The following SLU7 variants were observed in gnomAD, a reference collection of about 807,000 sequenced individuals.
SLU7 encodes the protein pre-mRNA-splicing factor SLU7.
In SLU7, 60 loss-of-function variants were observed where a neutral mutation model predicts 87.0. The ratio of observed to expected loss-of-function variants is 0.69; its 90% CI spans 0.56 to 0.86. The LOEUF (loss-of-function observed/expected upper bound fraction) is 0.86, where lower values mean the gene tolerates loss of function less well. Ranked by LOEUF, SLU7 falls within the 40% of genes least tolerant of loss-of-function variation. SLU7 has a pLI of 0.00. For missense variants in SLU7, 507 were observed against 686.6 expected, an observed-to-expected ratio of 0.74 and a Z score of 2.92; for synonymous variants, 197 against 222.0, an observed-to-expected ratio of 0.89 and a Z score of 1.00.
chr5:160,406,823 T>C (rs1765035561), intron 11 of SLU7, among the ~76,000 whole-genome samples, 194 bp from the exon 12 acceptor site: 1 of 152,242 alleles, frequency 6.6e-6, no homozygotes, highest in African/African-American at 2.4e-5. Context: ...GCTATTCATC[T>C]GTTGAGTACA....
chr5:160,405,178 T>C, intron 12 of SLU7, 43 bp from the exon 13 acceptor site: 6 of 1,369,034 alleles, frequency 4.4e-6, no homozygotes, highest in Non-Finnish European at 6.3e-6. Flanking sequence ...GAAGCTGAAA[T>C]TAGAAACTTC....
In SLU7 at chr5:160,407,639, G is replaced by A; in HGVS notation, c.986-24C>T. 2 of 1,606,632 alleles carry A rather than the reference G, an allele frequency of 1.2e-6. No individual in the cohort carries two copies. Among genetic ancestry groups the A allele is most frequent in the Non-Finnish European group, 1.7e-6 (2 of 1,177,514 alleles). Reference sequence around the variant, plus strand: ...CACTAGAGTAATTCAAAACATCTTAGTGAGTTGGCAGCTGCATTACTGTAT... The same window carrying A: ...CACTAGAGTAATTCAAAACATCTTAATGAGTTGGCAGCTGCATTACTGTAT... On this transcript the variant is annotated intron_variant, in intron 10 of 15. Coordinates refer to ENST00000297151, the MANE Select transcript of SLU7 (RefSeq NM_006425.5). The surrounding 1 kb of genome is among the most constrained non-coding windows in gnomAD (Gnocchi z 4.2).
chr5:160,405,157 A>G (rs1350709628), intron 12 of SLU7, 22 bp from the exon 13 acceptor site: 8 of 1,542,494 alleles, frequency 5.2e-6, no homozygotes, highest in Non-Finnish European at 7.2e-6. Flanking sequence ...GAAATTAAAA[A>G]GCTTAAAAAG....
chr5:160,406,826 T>C (rs893467347), intron 11 of SLU7, among the ~76,000 whole-genome samples, 197 bp from the exon 12 acceptor site: 4 of 152,246 alleles, frequency 2.6e-5, no homozygotes, highest in Admixed American at 6.5e-5. Context: ...ATTCATCTGT[T>C]GAGTACAGTA....
chr5:160,406,104 A>C (rs1387063758), intron 12 of SLU7, among the ~76,000 whole-genome samples: 4 of 152,238 alleles, frequency 2.6e-5, no homozygotes, highest in African/African-American at 7.2e-5. Flanking sequence ...TTTATGGATA[A>C]AATGTCATGA....
chr5:160,407,746 A>G lies in SLU7; in HGVS notation c.985T>C (p.Leu329=). 6.2e-7 allele frequency: 1 copy of G among 1,611,742 alleles called. No homozygotes were observed. Among genetic ancestry groups the G allele is most frequent in the Non-Finnish European group, 8.5e-7 (1 of 1,178,058 alleles). ...GDTISMAQTQ[L]FAWEAYDKGS... is the part of the protein sequence containing the mutation. ...GGCTTGACATAGAGGAAACACTTAC[A>G]CTGTGTCTGAGCCATTGAAATGGTA... The change falls in exon 10 of 16, where the codon TTG becomes CTG. Residue 329 remains leucine (L), a splice_region_variant and synonymous_variant. Coordinates refer to ENST00000297151, the MANE Select transcript of SLU7 (RefSeq NM_006425.5). This position sits in a 1 kb window ranked among gnomAD's most constrained non-coding sequence, Gnocchi z 4.2.
chr5:160,412,537 A>AAAAAAAC lies in SLU7; in HGVS notation c.571-19_571-18insGTTTTTT, dbSNP rs1765284947. The AAAAAAAC allele has an allele frequency of 9.3e-7, 1 of 1,074,112 alleles. No individual in the cohort carries two copies. The highest frequency in any genetic ancestry group is 1.3e-6 in the Non-Finnish European group (1 of 795,928). 66.5% of individuals were successfully genotyped at this position (1,074,112 alleles called of 1,614,324 possible). A position where few individuals can be genotyped will look rare whatever the true frequency, so the allele number is the denominator to read the frequency against. On this transcript the variant is annotated intron_variant, in intron 5 of 15. Transcript: ENST00000297151. Reference sequence around the variant, plus strand: ...CGTTTTGCCTTTAAAAAAAAAAAAAAGAAAGAAAGAAAGAAAAAGTAAACA... The same window carrying AAAAAAAC: ...CGTTTTGCCTTTAAAAAAAAAAAAAAAAAAAACGAAAGAAAGAAAGAAAAAGTAAACA...
Position 160,402,785 on chromosome 5 carries a change from A to C in SLU7, c.*500T>G, listed in dbSNP as rs1581057115. 2.6e-5 allele frequency: 4 copies of C among 152,358 alleles called. No homozygotes were observed. Among genetic ancestry groups the C allele is most frequent in the Admixed American group, 2.6e-4 (4 of 15,292 alleles). The allele number at this position is 152,358 out of a possible 1,614,324, so 9.4% of individuals were successfully genotyped here. A position where few individuals can be genotyped will look rare whatever the true frequency, so the allele number is the denominator to read the frequency against. On this transcript the variant is annotated 3_prime_UTR_variant, in exon 16 of 16. Transcript: ENST00000297151. ...GTAATCTCAGCACTTTGGGAGGCTG[A>C]GGCGGGTGGATCACAAGGTCAGGAG...
intron 1 of SLU7, among the ~76,000 whole-genome samples, chr5:160,418,302 G>C (rs1765540005): frequency 6.6e-6 from 1 of 152,122 alleles, no homozygotes; most frequent in Non-Finnish European, 1.5e-5. Context: ...TGAAGAAACA[G>C]GTTCTGAGAG....
In SLU7 at chr5:160,413,917, T is replaced by C; in HGVS notation, c.387A>G (p.Lys129=). The change falls in exon 4 of 16, where the codon AAA becomes AAG. Residue 129 remains lysine, a synonymous_variant. Transcript: ENST00000297151. ...AACTTACCTCAAAGCAGTCTTTCTT[T>C]TTGTGTGTCATGGCCCCACAATTTT... ...ACENCGAMTH[K]KKDCFERPRR... 6.3e-7 allele frequency: 1 copy of C among 1,598,176 alleles called. No homozygotes were observed. The highest frequency in any genetic ancestry group is 8.5e-7 in the Non-Finnish European group (1 of 1,174,622).
At chr5:160,411,087 C>T (rs980031403) in intron 6 of SLU7, among the ~76,000 whole-genome samples, 1 of 152,070 alleles carries the variant, frequency 6.6e-6, no homozygotes, top group East Asian at 1.9e-4. Flanking sequence ...AGGATGGTCT[C>T]GATCTCCTGA....
chr5:160,408,242 T>C (rs1765087178), intron 8 of SLU7, 87 bp downstream of exon 8: 3 of 1,388,418 alleles, frequency 2.2e-6, no homozygotes, highest in Non-Finnish European at 9.9e-7. Flanking sequence ...TCTGACTATA[T>C]TATCCATATG....
chr5:160,406,979 G>C (rs1360262676), intron 11 of SLU7, among the ~76,000 whole-genome samples: 2 of 152,196 alleles, frequency 1.3e-5, no homozygotes, highest in African/African-American at 2.4e-5. Context: ...TTTGACCAAT[G>C]AAAGTTGGCA....
Position 160,412,096 on chromosome 5 carries a change from C to T in SLU7, c.639+355G>A, listed in dbSNP as rs186671937. Among the ~76,000 whole-genome samples the T allele has an allele frequency of 7.9e-4, 120 of 152,286 alleles. 1 individual carries two copies. The East Asian group carries it at 0.022, about 28-fold the overall frequency. On this transcript the variant is annotated intron_variant, in intron 6 of 15. Coordinates refer to ENST00000297151, the MANE Select transcript of SLU7 (RefSeq NM_006425.5). ...GATGCACTTAACCAATTCCCTGTTC[C>T]TGGACATTTAAGCTATTCCAATTTC...
intron 4 of SLU7, 110 bp from the exon 5 acceptor site, chr5:160,413,730 G>A (rs1765337302): frequency 1.8e-6 from 2 of 1,087,148 alleles, no homozygotes; most frequent in Non-Finnish European, 2.6e-6. Context: ...TTTACAGTTA[G>A]TCTTACAGTA....
chr5:160,411,823 T>TA (rs1046643245), intron 6 of SLU7, among the ~76,000 whole-genome samples: 2 of 152,132 alleles, frequency 1.3e-5, no homozygotes, highest in South Asian at 2.1e-4. Context: ...TTCATTCATA[T>TA]AAAAAATGTT....
intron 6 of SLU7, among the ~76,000 whole-genome samples, chr5:160,411,383 TA>T (rs1765229132): frequency 6.6e-6 from 1 of 152,048 alleles, no homozygotes; most frequent in Admixed American, 6.5e-5. Flanking sequence ...CACACCCAGC[TA>T]ATTTTTGTAT....
intron 15 of SLU7, among the ~76,000 whole-genome samples, chr5:160,404,070 G>T (rs2961938): frequency 0.86 from 130,260 of 152,208 alleles, 56,213 homozygotes; most frequent in African/African-American, 0.93. Context: ...TAAAGGCCTT[G>T]ACAAATAATA....
At chr5:160,417,391 A>G (rs1310070733) in intron 1 of SLU7, 2 of 151,172 alleles carry the variant, frequency 1.3e-5, no homozygotes, top group South Asian at 2.1e-4. Flanking sequence ...TTTGAATTAG[A>G]AAAAAAACAA....
Sources: allele counts gnomAD v4.1 joint callset (sites outside exome capture counted in the v4.1 genomes callset), GRCh38; gene constraint gnomAD v4.1.1; non-coding constraint Gnocchi (gnomAD v3.1); transcripts MANE v1.5; gene names NCBI Gene and HGNC (gene_info 2026-07-23, HGNC 2026-07-21).